Variants in PRKN observed in about 807,000 individuals in gnomAD.
PRKN encodes the protein parkin RBR E3 ubiquitin protein ligase.
PRKN carries 56 observed loss-of-function variants against 59.5 expected under a neutral mutation model. That is an observed-to-expected ratio of 0.94 (90% CI 0.76 to 1.18). The LOEUF is 1.18. PRKN is among the 50% of genes most tolerant of loss of function. The pLI, the probability that PRKN is intolerant of heterozygous loss-of-function variation, is 0.00. For synonymous variants in PRKN, 250 were observed against 222.1 expected (o/e 1.13, Z -1.12); for missense variants, 657 against 596.4 (o/e 1.10, Z -1.06).
intron 4 of PRKN, among the ~76,000 whole-genome samples, chr6:162,189,381 A>C (rs1210267293): frequency 1.3e-5 from 2 of 151,434 alleles, no homozygotes; most frequent in Non-Finnish European, 2.9e-5. Context: ...ATAGGAGGGA[A>C]TTGAGATTAG....
At chr6:161,811,565 C>T (rs144348424) in intron 6 of PRKN, among the ~76,000 whole-genome samples, 2 of 152,268 alleles carry the variant, frequency 1.3e-5, no homozygotes, top group Non-Finnish European at 2.9e-5. Context: ...CCTTACATCA[C>T]ACCAAACACA....
intron 4 of PRKN, among the ~76,000 whole-genome samples, chr6:162,092,315 T>C (rs4379266): frequency 0.7 from 105,697 of 152,044 alleles, 36,927 homozygotes; most frequent in East Asian, 0.86. Context: ...TATTGCGTCA[T>C]TGCGCTCCAG....
rs901867641 is a variant in PRKN, at chr6:161,413,398, G to A, written c.1084-26521C>T. Among the ~76,000 whole-genome samples the A allele has an allele frequency of 1.2e-4, 19 of 152,220 alleles. 1 individual carries two copies. The highest frequency in any genetic ancestry group is 4.6e-4 in the African/African-American group (19 of 41,446). The stretch of plus-strand genomic sequence containing the variant: ...ACATACTGCAGCAAAGGGAATGACA[G>A]CTGCAGCAGGTCGCCAGTGCATCAA... On this transcript the variant is annotated intron_variant, in intron 9 of 11. Coordinates refer to ENST00000366898, the MANE Select transcript of PRKN (RefSeq NM_004562.3). The surrounding 1 kb of genome is among the most constrained non-coding windows in gnomAD (Gnocchi z 4.4).
At chr6:161,601,607 G>C (rs1404119626) in intron 7 of PRKN, among the ~76,000 whole-genome samples, 5 of 150,336 alleles carry the variant, frequency 3.3e-5, no homozygotes, top group African/African-American at 1.2e-4. Flanking sequence ...TTTTTGGACG[G>C]AGTTTCGCTC....
At chr6:162,374,069 A>T (rs916723435) in intron 2 of PRKN, among the ~76,000 whole-genome samples, 2 of 152,192 alleles carry the variant, frequency 1.3e-5, no homozygotes, top group Non-Finnish European at 2.9e-5. Flanking sequence ...TACACAGTTT[A>T]CTCTGTACAG....
Position 162,279,020 on chromosome 6 carries a change from G to A in PRKN, c.172-16255C>T, listed in dbSNP as rs546014719. ...TATCTTCATACTCAGTCACTAAATG[G>A]AAAGTAACCACTGAAAATCAGAAAT... On this transcript the variant is annotated intron_variant, in intron 2 of 11. Coordinates refer to ENST00000366898, the MANE Select transcript of PRKN (RefSeq NM_004562.3). Among the ~76,000 whole-genome samples the A allele has an allele frequency of 3.9e-4, 59 of 152,188 alleles. 2 individuals carry two copies. In the South Asian group the frequency reaches 0.012, roughly 30 times the overall value.
chr6:161,805,787 TG>T (rs1467351323), intron 6 of PRKN, among the ~76,000 whole-genome samples: 1 of 152,150 alleles, frequency 6.6e-6, no homozygotes, highest in Non-Finnish European at 1.5e-5. Context: ...CCGGGGTGGT[TG>T]GGGGTGGAGG....
At chr6:161,934,897 A>G (rs1374380255) in intron 6 of PRKN, among the ~76,000 whole-genome samples, 2 of 152,126 alleles carry the variant, frequency 1.3e-5, no homozygotes, top group East Asian at 1.9e-4. Context: ...AGATCTCCCA[A>G]ATGGCCCTGG....
At chr6:162,189,505 T>C (rs1246205236) in intron 4 of PRKN, among the ~76,000 whole-genome samples, 1 of 150,884 alleles carries the variant, frequency 6.6e-6, no homozygotes, top group African/African-American at 2.4e-5. Flanking sequence ...ATTAATTTAC[T>C]TCATGAAACA....
intron 7 of PRKN, among the ~76,000 whole-genome samples, chr6:161,631,312 C>T (rs1393936197): frequency 6.6e-6 from 1 of 152,220 alleles, no homozygotes; most frequent in South Asian, 2.1e-4. Context: ...ATCTGCAAAG[C>T]ACTAGAGTAC....
chr6:162,063,464 G>A (rs1778188947), intron 4 of PRKN, among the ~76,000 whole-genome samples: 1 of 152,068 alleles, frequency 6.6e-6, no homozygotes, highest in Admixed American at 6.6e-5. Flanking sequence ...ACTAAATGTC[G>A]GTGAGGATAA....
intron 5 of PRKN, among the ~76,000 whole-genome samples, chr6:161,977,710 G>A (rs763385384): frequency 6.6e-6 from 1 of 151,574 alleles, no homozygotes; most frequent in Non-Finnish European, 1.5e-5. Context: ...ACCACGCCCG[G>A]CTACTTTTTT....
intron 1 of PRKN, among the ~76,000 whole-genome samples, chr6:162,664,606 T>A (rs1779024948): frequency 1.3e-5 from 2 of 152,210 alleles, no homozygotes; most frequent in South Asian, 4.1e-4. Context: ...TGGCATGGTA[T>A]CTCATTGTGG....
At chr6:162,033,244 C>T (rs147664059) in intron 5 of PRKN, among the ~76,000 whole-genome samples, 21 of 152,326 alleles carry the variant, frequency 1.4e-4, no homozygotes, top group Middle Eastern at 3.4e-3. Flanking sequence ...TCTGAAACAT[C>T]TCTTTTTATG....
At chr6:161,534,217 G>A (rs988898852) in intron 9 of PRKN, among the ~76,000 whole-genome samples, 6 of 152,086 alleles carry the variant, frequency 3.9e-5, no homozygotes, top group Admixed American at 1.3e-4. Flanking sequence ...CTCTGCAGCT[G>A]CCTAGCTTTC....
chr6:162,491,288 C>T (rs1352243197), intron 1 of PRKN, among the ~76,000 whole-genome samples: 2 of 149,994 alleles, frequency 1.3e-5, no homozygotes, highest in Admixed American at 6.6e-5. Flanking sequence ...AAAAAAAAAC[C>T]AACCAACCAA....
chr6:161,640,113 C>T (rs1488736773), intron 7 of PRKN, among the ~76,000 whole-genome samples: 1 of 152,178 alleles, frequency 6.6e-6, no homozygotes, highest in Non-Finnish European at 1.5e-5. Context: ...TTCTTTCACA[C>T]TTTTTGTTTA....
At chr6:161,723,477 G>C (rs6930783) in intron 7 of PRKN, among the ~76,000 whole-genome samples, 29,497 of 151,958 alleles carry the variant, frequency 0.19, 2,965 homozygotes, top group South Asian at 0.21. Context: ...TACAGTTTCT[G>C]CTGGGGTCCC....
chr6:162,269,078 A>G (rs566703696), intron 2 of PRKN, among the ~76,000 whole-genome samples: 1 of 152,298 alleles, frequency 6.6e-6, no homozygotes, highest in East Asian at 1.9e-4. Flanking sequence ...AGTGAAAAGA[A>G]GATGGTATAG....
Sources: allele counts gnomAD v4.1 joint callset (sites outside exome capture counted in the v4.1 genomes callset), GRCh38; gene constraint gnomAD v4.1.1; non-coding constraint Gnocchi (gnomAD v3.1); transcripts MANE v1.5; gene names NCBI Gene and HGNC (gene_info 2026-07-23, HGNC 2026-07-21).